MMP16: variants seen among roughly 807,000 people sequenced by gnomAD.
The protein encoded by MMP16 is matrix metallopeptidase 16, also known as matrix metalloproteinase-16.
Under a neutral mutation model 67.8 loss-of-function variants are expected in MMP16, and 12 were observed. That is an observed-to-expected ratio of 0.18 (90% confidence interval 0.11 to 0.29). MMP16 has a LOEUF of 0.29. Among genes scored for constraint, MMP16 ranks in the 10% least tolerant of loss-of-function variants. MMP16 has a pLI of 1.00. For synonymous variants in MMP16, 249 were observed against 255.9 expected (o/e 0.97, Z 0.26); for missense variants, 475 against 765.7 (o/e 0.62, Z 4.48).
intron 6 of MMP16, among the ~76,000 whole-genome samples, chr8:88,108,853 A>T (rs1420577181): frequency 2.0e-5 from 3 of 151,384 alleles, no homozygotes; most frequent in Admixed American, 6.6e-5. Flanking sequence ...CTCTCCATTT[A>T]TCAATTCTTT....
At chr8:88,153,813 C>G (rs1456632908) in intron 4 of MMP16, among the ~76,000 whole-genome samples, 1 of 151,550 alleles carries the variant, frequency 6.6e-6, no homozygotes, top group Non-Finnish European at 1.5e-5. Context: ...TGGGCAAGGA[C>G]TTCATGTCCA....
rs1808736406 is a variant in MMP16, at chr8:88,167,671, T to C, written c.707A>G (p.Asp236Gly). 1.2e-6 allele frequency: 2 copies of C among 1,605,944 alleles called. No homozygotes were observed. Among genetic ancestry groups the C allele is most frequent in the Non-Finnish European group, 1.7e-6 (2 of 1,175,558 alleles). ...EPWTLGNPNH[D>G]GNDLFLVAVH... ...CTGTAAAACAAACATGTACTTACCA[T>C]CATGATTAGGATTTCCTAGTGTCCA... is the stretch of plus-strand genomic sequence containing the variant. Residue 236 changes from aspartate to glycine, a missense_variant and splice_region_variant, in exon 4 of 10, where the codon GAT becomes GGT. Physicochemically the swap from Asp to Gly is moderately conservative, Grantham distance 94. Transcript: ENST00000286614.
At chr8:88,149,103 C>G (rs946673219) in intron 4 of MMP16, among the ~76,000 whole-genome samples, 1 of 152,174 alleles carries the variant, frequency 6.6e-6, no homozygotes, top group South Asian at 2.1e-4. Flanking sequence ...GGGTGACGGA[C>G]GCACCTGGAA....
At chr8:88,267,943 A>G (rs1249820227) in intron 1 of MMP16, among the ~76,000 whole-genome samples, 1 of 152,202 alleles carries the variant, frequency 6.6e-6, no homozygotes, top group East Asian at 1.9e-4. Flanking sequence ...ACAGTTTTTA[A>G]TATAGTTTAA....
intron 9 of MMP16, among the ~76,000 whole-genome samples, chr8:88,045,159 T>C (rs1808181994): frequency 6.6e-6 from 1 of 152,184 alleles, no homozygotes; most frequent in African/African-American, 2.4e-5. Context: ...AGGTTCTTTT[T>C]GACTTTGCCT....
intron 6 of MMP16, among the ~76,000 whole-genome samples, chr8:88,092,224 T>A (rs943414611): frequency 6.7e-6 from 1 of 150,118 alleles, no homozygotes; most frequent in East Asian, 1.9e-4. Flanking sequence ...ATAGGCTCTA[T>A]GGCTATAACT....
chr8:88,048,069 T>C (rs1033341749), intron 8 of MMP16, among the ~76,000 whole-genome samples: 1 of 152,196 alleles, frequency 6.6e-6, no homozygotes, highest in African/African-American at 2.4e-5. Context: ...AGAAGTATGT[T>C]GTCATTCAGT....
intron 1 of MMP16, among the ~76,000 whole-genome samples, chr8:88,312,904 G>T (rs1295105403): frequency 6.6e-6 from 1 of 152,110 alleles, no homozygotes; most frequent in Non-Finnish European, 1.5e-5. Context: ...GAAGGCAGAG[G>T]TTGCAGTGAG....
chr8:88,148,865 G>A lies in MMP16; in HGVS notation c.709+18804C>T, dbSNP rs2681301. 7.0e-3 allele frequency among the ~76,000 whole-genome samples: 1,073 copies of A among 152,298 alleles called. 19 individuals carry two copies. The highest frequency in any genetic ancestry group is 0.025 in the African/African-American group (1,019 of 41,554). ...GTGTATTATGGGGAGGAGCCAAGAT[G>A]GCCGAATAGGAACAGCTCCGGTCTA... On this transcript the variant is annotated intron_variant, in intron 4 of 9. Transcript: ENST00000286614.
At chr8:88,076,643 T>TA (rs1808656586) in intron 6 of MMP16, among the ~76,000 whole-genome samples, 1 of 152,086 alleles carries the variant, frequency 6.6e-6, no homozygotes, top group Non-Finnish European at 1.5e-5. Flanking sequence ...TCACTGCAAA[T>TA]AAAATATGTC....
intron 1 of MMP16, among the ~76,000 whole-genome samples, chr8:88,264,074 T>A (rs780789086): frequency 0.15 from 14,928 of 101,884 alleles, 988 homozygotes; most frequent in African/African-American, 0.24. Context: ...AGAGAGTGTG[T>A]GTGTGTGTGT....
At chr8:88,213,432 T>C (rs1586208045) in intron 1 of MMP16, among the ~76,000 whole-genome samples, 2 of 152,164 alleles carry the variant, frequency 1.3e-5, no homozygotes, top group African/African-American at 4.8e-5. Context: ...GTTACTAATA[T>C]ATTCATATAT....
intron 2 of MMP16, among the ~76,000 whole-genome samples, chr8:88,192,147 T>A (rs1378337692): frequency 6.6e-6 from 1 of 152,080 alleles, no homozygotes; most frequent in Non-Finnish European, 1.5e-5. Context: ...TTTTAATTAC[T>A]TTAAAAAATC....
intron 1 of MMP16, among the ~76,000 whole-genome samples, chr8:88,214,572 T>C (rs975717090): frequency 5.9e-5 from 9 of 152,314 alleles, no homozygotes; most frequent in Non-Finnish European, 1.2e-4. Context: ...TAAGTATATA[T>C]ATGGAATGAC....
intron 6 of MMP16, among the ~76,000 whole-genome samples, chr8:88,107,532 G>A (rs1027825179): frequency 2.0e-5 from 3 of 150,918 alleles, no homozygotes; most frequent in African/African-American, 4.8e-5. Context: ...TTTCTCCTGA[G>A]TAGTGGAATC....
intron 2 of MMP16, among the ~76,000 whole-genome samples, chr8:88,193,498 G>C (rs1809202252): frequency 6.6e-6 from 1 of 152,040 alleles, no homozygotes; most frequent in Non-Finnish European, 1.5e-5. Context: ...AATGTAGTTA[G>C]ATACAATGAA....
At chr8:88,132,916 A>G (rs1239694946) in intron 4 of MMP16, among the ~76,000 whole-genome samples, 1 of 151,864 alleles carries the variant, frequency 6.6e-6, no homozygotes, top group Admixed American at 6.6e-5. Context: ...TGTAATATGT[A>G]TGCAAGGGAA....
chr8:88,322,498 C>CA (rs1232884184), intron 1 of MMP16, among the ~76,000 whole-genome samples: 4 of 151,826 alleles, frequency 2.6e-5, no homozygotes, highest in Non-Finnish European at 5.9e-5. Context: ...GCTATGGTGC[C>CA]AATTACTTCC....
intron 3 of MMP16, among the ~76,000 whole-genome samples, chr8:88,171,228 A>G (rs1292034825): frequency 1.3e-5 from 2 of 152,216 alleles, no homozygotes; most frequent in Non-Finnish European, 2.9e-5. Context: ...GATATGCTTA[A>G]CTACATTATA....
Sources: allele counts gnomAD v4.1 joint callset (sites outside exome capture counted in the v4.1 genomes callset), GRCh38; gene constraint gnomAD v4.1.1; transcripts MANE v1.5; gene names NCBI Gene and HGNC (gene_info 2026-07-23, HGNC 2026-07-21).